FBP1: variants seen among roughly 807,000 people sequenced by gnomAD.
The protein encoded by FBP1 is fructose-1,6-bisphosphatase 1.
A neutral mutation model predicts 29.9 loss-of-function variants in FBP1; 22 were observed. The observed-to-expected ratio is 0.74, with a 90% CI of 0.53 to 1.05. The LOEUF (loss-of-function observed/expected upper bound fraction) is 1.05. Ranked by LOEUF, FBP1 falls within the 50% of genes least tolerant of loss-of-function variation. The pLI, the probability that FBP1 is intolerant of heterozygous loss-of-function variation, is 0.00. For synonymous variants in FBP1, 175 were observed against 178.6 expected, an observed-to-expected ratio of 0.98 and a Z score of 0.16; for missense variants, 345 against 448.2, an observed-to-expected ratio of 0.77 and a Z score of 2.08.
chr9:94,618,703 A>C (rs1179064409), intron 2 of FBP1, among the ~76,000 whole-genome samples: 1 of 152,136 alleles, frequency 6.6e-6, no homozygotes, highest in Admixed American at 6.6e-5. Flanking sequence ...TTTCAGTGGT[A>C]GTGGGAATAC....
At chr9:94,616,977 G>C (rs932447771) in intron 3 of FBP1, among the ~76,000 whole-genome samples, 1 of 151,930 alleles carries the variant, frequency 6.6e-6, no homozygotes, top group Non-Finnish European at 1.5e-5. Flanking sequence ...TCTGGAGGAG[G>C]GGTGACTGCC....
intron 4 of FBP1, among the ~76,000 whole-genome samples, chr9:94,607,175 C>T (rs1369556030): frequency 2.0e-5 from 3 of 152,186 alleles, no homozygotes; most frequent in Non-Finnish European, 4.4e-5. Context: ...ATAACAGACA[C>T]TTTCGACTTT....
intron 1 of FBP1, among the ~76,000 whole-genome samples, chr9:94,625,533 C>A (rs1050576646): frequency 3.9e-5 from 6 of 152,108 alleles, no homozygotes; most frequent in African/African-American, 1.4e-4. Context: ...CAGTGGCTCA[C>A]GCCTGTAATC....
chr9:94,637,544 G>A (rs935776384), intron 1 of FBP1, among the ~76,000 whole-genome samples: 18 of 151,884 alleles, frequency 1.2e-4, no homozygotes, highest in South Asian at 4.2e-4. Context: ...GATTACAGGC[G>A]CCTGCCACCA....
At chr9:94,609,190 GAA>G (rs869220165) in intron 4 of FBP1, among the ~76,000 whole-genome samples, 7,500 of 111,992 alleles carry the variant, frequency 0.067, 677 homozygotes, top group African/African-American at 0.24. Context: ...CTACATCTCA[GAA>G]AAAAAAAAAA....
Position 94,620,576 on chromosome 9 carries a change from C to G in FBP1, c.171-85G>C, listed in dbSNP as rs190103577. ...CATAAACCCACCAAAAGTGAGTGTT[C>G]GGTAAGATTTAGAAGAAAGAGTTCA... On this transcript the variant is annotated intron_variant, in intron 1 of 6. Transcript: ENST00000375326. The G allele has an allele frequency of 1.3e-5, 18 of 1,337,046 alleles. No homozygotes were observed. In the African/African-American group the frequency reaches 2.5e-4, roughly 18 times the overall value. 82.8% of individuals were successfully genotyped at this position (1,337,046 alleles called of 1,614,324 possible).
chr9:94,604,088 A>G (rs1477431525), intron 6 of FBP1: 2 of 204,110 alleles, frequency 9.8e-6, no homozygotes, highest in Non-Finnish European at 2.0e-5. Flanking sequence ...TTGGGTTGGA[A>G]TTCAGTGTAT....
chr9:94,604,233 A>G (rs1046687270), intron 6 of FBP1, among the ~76,000 whole-genome samples: 1 of 55,720 alleles, frequency 1.8e-5, no homozygotes, highest in East Asian at 4.3e-4. Flanking sequence ...GCTAGTTTTG[A>G]AAAACCAAAA....
intron 2 of FBP1, among the ~76,000 whole-genome samples, chr9:94,618,231 C>A (rs13291835): frequency 2.6e-5 from 4 of 151,586 alleles, no homozygotes; most frequent in Non-Finnish European, 5.9e-5. Flanking sequence ...AAAATAATTC[C>A]TTAGGTGAAG....
intron 6 of FBP1, among the ~76,000 whole-genome samples, chr9:94,605,048 C>T (rs1827676687): frequency 6.6e-6 from 1 of 152,172 alleles, no homozygotes; most frequent in South Asian, 2.1e-4. Flanking sequence ...CACTAGTTAC[C>T]TCTGTTTTAC....
At chr9:94,625,960 T>C (rs1026332545) in intron 1 of FBP1, among the ~76,000 whole-genome samples, 1 of 152,048 alleles carries the variant, frequency 6.6e-6, no homozygotes, top group African/African-American at 2.4e-5. Flanking sequence ...AGCACCTGCA[T>C]GGATGGGGCT....
rs542756294 is a variant in FBP1 at position 94,612,751 on chromosome 9, G to T, written c.427-2690C>A. ...TTTTTTTTTATTTTTAGTAGAGATGGGGTTTCACCATGTTGGCCAAGATGG... is the reference window on the plus strand; with the variant it reads ...TTTTTTTTTATTTTTAGTAGAGATGTGGTTTCACCATGTTGGCCAAGATGG... On this transcript the variant is annotated intron_variant, in intron 3 of 6. Transcript: ENST00000375326. 2.6e-5 allele frequency among the ~76,000 whole-genome samples: 4 copies of T among 151,632 alleles called. No homozygotes were observed. The South Asian group carries it at 8.4e-4, about 32-fold the overall frequency.
chr9:94,636,832 G>A (rs1304743218), intron 1 of FBP1, among the ~76,000 whole-genome samples: 3 of 151,976 alleles, frequency 2.0e-5, no homozygotes, highest in Non-Finnish European at 4.4e-5. Context: ...GGGATTACAG[G>A]CGCCTGCCAC....
At chr9:94,626,710 T>A (rs1395721987) in intron 1 of FBP1, among the ~76,000 whole-genome samples, 2 of 152,162 alleles carry the variant, frequency 1.3e-5, no homozygotes, top group Non-Finnish European at 2.9e-5. Context: ...TAGCTGAAGA[T>A]CACATGCAGT....
At chr9:94,619,468 C>A (rs1362470799) in intron 2 of FBP1, among the ~76,000 whole-genome samples, 2 of 152,158 alleles carry the variant, frequency 1.3e-5, no homozygotes, top group Non-Finnish European at 2.9e-5. Context: ...AATACTCTTT[C>A]ATTTAACAAT....
chr9:94,617,449 C>CACATCGTATAGTG (rs1162301166), intron 3 of FBP1, among the ~76,000 whole-genome samples: 6 of 152,178 alleles, frequency 3.9e-5, no homozygotes, highest in Admixed American at 2.0e-4. Flanking sequence ...ACTCTGAGTT[C>CACATCGTATAGTG]ACATCGTATC....
chr9:94,623,182 A>G (rs1046809322), intron 1 of FBP1, among the ~76,000 whole-genome samples: 3 of 151,944 alleles, frequency 2.0e-5, no homozygotes, highest in African/African-American at 7.3e-5. Flanking sequence ...ACAGGGTTTC[A>G]CCATGTTGGC....
intron 3 of FBP1, among the ~76,000 whole-genome samples, chr9:94,617,326 T>C (rs895375678): frequency 3.3e-5 from 5 of 152,222 alleles, no homozygotes; most frequent in Non-Finnish European, 7.3e-5. Context: ...TCACAGGCTG[T>C]ACACATTAGG....
intron 1 of FBP1, among the ~76,000 whole-genome samples, chr9:94,622,577 CG>C (rs1371606396): frequency 6.6e-6 from 1 of 152,218 alleles, no homozygotes; most frequent in Non-Finnish European, 1.5e-5. Context: ...GAGCTAGCTC[CG>C]GCTGTCTTCT....
Sources: allele counts gnomAD v4.1 joint callset (sites outside exome capture counted in the v4.1 genomes callset), GRCh38; gene constraint gnomAD v4.1.1; transcripts MANE v1.5; gene names NCBI Gene and HGNC (gene_info 2026-07-23, HGNC 2026-07-21).